SNX27: variants seen among roughly 807,000 people sequenced by gnomAD.
SNX27 encodes sorting nexin-27.
SNX27 carries 22 observed loss-of-function variants against 71.6 expected under a neutral mutation model. The ratio of observed to expected loss-of-function variants is 0.31; its 90% confidence interval spans 0.22 to 0.44. The LOEUF is 0.44. SNX27 is among the 20% of genes least tolerant of loss of function. The pLI is 1.00. For missense variants in SNX27, 531 were observed against 698.6 expected (o/e 0.76, Z 2.70); for synonymous variants, 269 against 277.2 (o/e 0.97, Z 0.29).
chr1:151,644,096 T>C (rs1324362612), intron 2 of SNX27, among the ~76,000 whole-genome samples: 1 of 152,238 alleles, frequency 6.6e-6, no homozygotes, highest in Non-Finnish European at 1.5e-5. Flanking sequence ...ATTTCATTCC[T>C]TTTCTCAAGT....
At chr1:151,675,092 A>T (rs932542923) in intron 7 of SNX27, among the ~76,000 whole-genome samples, 2 of 151,924 alleles carry the variant, frequency 1.3e-5, no homozygotes, top group African/African-American at 4.8e-5. Flanking sequence ...GTCTTTTGGG[A>T]ATTTCGTCAT....
chr1:151,680,049 T>A (rs1291327416), intron 7 of SNX27: 1 of 152,144 alleles, frequency 6.6e-6, no homozygotes, highest in Admixed American at 6.5e-5. Flanking sequence ...TTTGTTTTTT[T>A]AAATTATATA....
chr1:151,626,221 A>G (rs1285807362), intron 1 of SNX27, among the ~76,000 whole-genome samples: 3 of 152,150 alleles, frequency 2.0e-5, no homozygotes, highest in Non-Finnish European at 4.4e-5. Context: ...AGCTCTCTCT[A>G]TAAAACCTTG....
intron 6 of SNX27, chr1:151,666,283 T>C: frequency 3.6e-6 from 1 of 278,544 alleles, no homozygotes; most frequent in South Asian, 1.6e-4. Context: ...AATTCATATA[T>C]TCCAATAAAA....
rs1440884123 is a variant in SNX27 at position 151,665,919 on chromosome 1, C to A, written c.907-14C>A. ...TTAATTTTCTTGAAACCAATCTATC[C>A]TGTTTAACCTTAGGCTATCGCAGCA... On this transcript the variant is annotated splice_polypyrimidine_tract_variant and intron_variant, in intron 5 of 11. Transcript: ENST00000458013. 1 of 1,588,240 alleles carries A rather than the reference C, an allele frequency of 6.3e-7. No individual in the cohort carries two copies. Among genetic ancestry groups the A allele is most frequent in the Non-Finnish European group, 8.6e-7 (1 of 1,163,534 alleles).
intron 2 of SNX27, among the ~76,000 whole-genome samples, chr1:151,649,839 G>A (rs890508475): frequency 3.9e-5 from 6 of 152,048 alleles, no homozygotes; most frequent in Non-Finnish European, 7.4e-5. Flanking sequence ...CCGAGTAGCT[G>A]GAACTACAGG....
At chr1:151,639,269 T>G in intron 2 of SNX27, 150 bp downstream of exon 2, 2 of 642,256 alleles carry the variant, frequency 3.1e-6, no homozygotes, top group East Asian at 2.8e-5. Context: ...TAAAAGACAC[T>G]GACCCTGATT....
intron 1 of SNX27, among the ~76,000 whole-genome samples, chr1:151,635,607 G>A (rs954767491): frequency 3.9e-5 from 6 of 152,190 alleles, no homozygotes. Context: ...TCAGGAAGGA[G>A]GGCCCTTTTT....
At chr1:151,631,166 G>C (rs1369429062) in intron 1 of SNX27, among the ~76,000 whole-genome samples, 1 of 152,216 alleles carries the variant, frequency 6.6e-6, no homozygotes, top group Non-Finnish European at 1.5e-5. Flanking sequence ...TTACATTTTG[G>C]TGGAGTAGTT....
Position 151,638,795 on chromosome 1 carries a change from G to C in SNX27, c.312-93G>C, listed in dbSNP as rs139549913. The C allele has an allele frequency of 6.3e-5, 70 of 1,112,874 alleles. No individual in the cohort carries two copies. In the East Asian group the frequency reaches 1.6e-3, roughly 25 times the overall value. The allele number at this position is 1,112,874 out of a possible 1,614,324, so 68.9% of individuals were successfully genotyped here. On this transcript the variant is annotated intron_variant, in intron 1 of 11. Coordinates refer to ENST00000458013, the MANE Select transcript of SNX27 (RefSeq NM_001330723.2). ...ATCTTTTGACTTCATGGTTCATACC[G>C]TGTGACACTGGAGTTTGGGCAGGAG...
intron 7 of SNX27, among the ~76,000 whole-genome samples, chr1:151,675,187 A>C (rs1025151490): frequency 6.6e-6 from 1 of 151,814 alleles, no homozygotes; most frequent in African/African-American, 2.4e-5. Context: ...TACTACTTAT[A>C]TATCCGTGTT....
At chr1:151,691,002 T>C (rs1671417094) in intron 8 of SNX27, among the ~76,000 whole-genome samples, 1 of 152,194 alleles carries the variant, frequency 6.6e-6, no homozygotes, top group Non-Finnish European at 1.5e-5. Flanking sequence ...AGAGTTCTGT[T>C]CTATACCACC....
At chr1:151,666,188 C>A in intron 6 of SNX27, 177 bp downstream of exon 6, 1 of 410,984 alleles carries the variant, frequency 2.4e-6, no homozygotes, top group Non-Finnish European at 4.3e-6. Flanking sequence ...ACTGTTGATT[C>A]TTTTTCCTCT....
chr1:151,673,094 G>A (rs1670514685), intron 7 of SNX27, among the ~76,000 whole-genome samples: 2 of 151,046 alleles, frequency 1.3e-5, no homozygotes, highest in Admixed American at 1.3e-4. Context: ...TTTGATGTAG[G>A]CATTTATAAC....
intron 6 of SNX27, chr1:151,666,317 A>G (rs1191183337): frequency 9.1e-6 from 2 of 220,048 alleles, no homozygotes; most frequent in Non-Finnish European, 8.9e-6. Context: ...GGGATGTTCT[A>G]TTTAGCCACA....
chr1:151,641,666 TATATATC>T (rs1159025334), intron 2 of SNX27, among the ~76,000 whole-genome samples: 1 of 139,444 alleles, frequency 7.2e-6, no homozygotes, highest in Admixed American at 7.4e-5. Flanking sequence ...GTATCAGATA[TATATATC>T]ATATATATCT....
chr1:151,658,464 A>G (rs1447190966), intron 3 of SNX27, 37 bp downstream of exon 3: 1 of 1,584,128 alleles, frequency 6.3e-7, no homozygotes, highest in South Asian at 1.1e-5. Flanking sequence ...TATTGAGTAG[A>G]CGTAGGTTCT....
chr1:151,663,792 T>C (rs79325602), intron 5 of SNX27, among the ~76,000 whole-genome samples: 2,326 of 152,248 alleles, frequency 0.015, 53 homozygotes, highest in African/African-American at 0.052. Context: ...ACCAGTAGGT[T>C]TAGGTGGTGA....
chr1:151,664,398 A>G (rs1183216794), intron 5 of SNX27, among the ~76,000 whole-genome samples: 5 of 151,786 alleles, frequency 3.3e-5, no homozygotes, highest in Non-Finnish European at 7.4e-5. Context: ...TAGTATTTTC[A>G]TATTATCCTT....
Sources: allele counts gnomAD v4.1 joint callset (sites outside exome capture counted in the v4.1 genomes callset), GRCh38; gene constraint gnomAD v4.1.1; transcripts MANE v1.5; gene names NCBI Gene and HGNC (gene_info 2026-07-23, HGNC 2026-07-21).